GMDS: variants seen among roughly 807,000 people sequenced by gnomAD.
GMDS encodes the protein GDP-mannose 4,6-dehydratase, also known as GDP-mannose 4,6 dehydratase.
Under a neutral mutation model 49.9 loss-of-function variants are expected in GMDS, and 20 were observed. That is an observed-to-expected ratio of 0.40 (90% CI 0.28 to 0.58). GMDS has a LOEUF of 0.58. Among genes scored for constraint, GMDS ranks in the 20% least tolerant of loss-of-function variants. The pLI is 0.42. For missense variants in GMDS, 362 were observed against 481.4 expected (o/e 0.75, Z 2.32); for synonymous variants, 177 against 178.6 (o/e 0.99, Z 0.07).
chr6:2,101,313 A>T (rs555952283), intron 4 of GMDS, among the ~76,000 whole-genome samples: 1 of 151,962 alleles, frequency 6.6e-6, no homozygotes, highest in Non-Finnish European at 1.5e-5. Context: ...CACTAAAAAA[A>T]CAAAAAACAA....
At chr6:1,629,198 T>C (rs1460256502) in intron 9 of GMDS, among the ~76,000 whole-genome samples, 1 of 152,228 alleles carries the variant, frequency 6.6e-6, no homozygotes, top group African/African-American at 2.4e-5. Context: ...GCTTGAAGCC[T>C]TACATGCTCA....
intron 7 of GMDS, among the ~76,000 whole-genome samples, chr6:1,773,428 C>G (rs1317436301): frequency 6.6e-6 from 1 of 152,186 alleles, no homozygotes; most frequent in Non-Finnish European, 1.5e-5. Flanking sequence ...GCATGAAATA[C>G]ATGTTGGTGC....
chr6:2,046,225 T>A (rs1054082756), intron 4 of GMDS, among the ~76,000 whole-genome samples: 1 of 151,996 alleles, frequency 6.6e-6, no homozygotes, highest in Non-Finnish European at 1.5e-5. Flanking sequence ...AAAAGTAAAA[T>A]AAAATCATAG....
rs184388107 is a variant in GMDS, at chr6:1,928,290, G to A, written c.771+1813C>T. ...TGAGGCAGGAGAATCGCTTGAACCC[G>A]GGAGGCAGAGGTTGCAGTGAGCCAA... On this transcript the variant is annotated intron_variant, in intron 7 of 10. Transcript: ENST00000380815. Among the ~76,000 whole-genome samples the A allele has an allele frequency of 1.8e-4, 28 of 151,964 alleles. No homozygotes were observed. In the East Asian group the frequency reaches 3.9e-3, roughly 21 times the overall value.
chr6:2,092,232 C>T (rs79833197), intron 4 of GMDS, among the ~76,000 whole-genome samples: 290 of 152,286 alleles, frequency 1.9e-3, no homozygotes, highest in Non-Finnish European at 3.6e-3. Context: ...TTAATCCACA[C>T]TAAGTATCCA....
chr6:1,874,075 C>T (rs1340282604), intron 7 of GMDS, among the ~76,000 whole-genome samples: 1 of 152,204 alleles, frequency 6.6e-6, no homozygotes, highest in East Asian at 1.9e-4. Flanking sequence ...CCTCCAGAGA[C>T]GACCTGCTTG....
At chr6:2,171,932 C>T (rs1320353396) in intron 1 of GMDS, among the ~76,000 whole-genome samples, 6 of 152,060 alleles carry the variant, frequency 3.9e-5, no homozygotes, top group African/African-American at 4.8e-5. Flanking sequence ...GCTAAACTGA[C>T]GCAATAAATG....
chr6:1,767,596 G>C (rs2113570453), intron 7 of GMDS, among the ~76,000 whole-genome samples: 1 of 152,322 alleles, frequency 6.6e-6, no homozygotes, highest in South Asian at 2.1e-4. Flanking sequence ...GACTGAGAGA[G>C]ATGTTAAGCA....
chr6:1,646,741 C>T (rs574064368), intron 9 of GMDS, among the ~76,000 whole-genome samples: 2 of 152,014 alleles, frequency 1.3e-5, no homozygotes, highest in Non-Finnish European at 2.9e-5. Flanking sequence ...CATTTTTTTC[C>T]ACCTATATCC....
intron 6 of GMDS, among the ~76,000 whole-genome samples, chr6:1,953,726 G>C (rs978303671): frequency 6.6e-6 from 1 of 152,074 alleles, no homozygotes; most frequent in African/African-American, 2.4e-5. Flanking sequence ...TGCTTCCCAT[G>C]TTCCAATTTA....
intron 8 of GMDS, among the ~76,000 whole-genome samples, chr6:1,727,221 G>C (rs1053917899): frequency 2.0e-5 from 3 of 152,118 alleles, no homozygotes; most frequent in Admixed American, 6.5e-5. Context: ...AACATCCAAG[G>C]TTGACAGCAG....
intron 9 of GMDS, among the ~76,000 whole-genome samples, chr6:1,696,281 C>T (rs1213185209): frequency 6.6e-6 from 1 of 152,234 alleles, no homozygotes; most frequent in Non-Finnish European, 1.5e-5. Context: ...AGAACTTTTC[C>T]CGAAGAGCGC....
At chr6:1,831,047 CA>C (rs2113724972) in intron 7 of GMDS, among the ~76,000 whole-genome samples, 1 of 152,314 alleles carries the variant, frequency 6.6e-6, no homozygotes, top group Non-Finnish European at 1.5e-5. Flanking sequence ...GATACAGGTT[CA>C]ATATTCCCAA....
At chr6:2,223,759 G>A (rs1780701400) in intron 1 of GMDS, among the ~76,000 whole-genome samples, 1 of 152,188 alleles carries the variant, frequency 6.6e-6, no homozygotes. Context: ...GGGACATGTG[G>A]AGTAGGAGAT....
At chr6:2,069,881 T>C (rs377666935) in intron 4 of GMDS, among the ~76,000 whole-genome samples, 2 of 152,070 alleles carry the variant, frequency 1.3e-5, no homozygotes, top group Non-Finnish European at 2.9e-5. Flanking sequence ...GTATCTAGAA[T>C]TAGAAATACC....
intron 1 of GMDS, among the ~76,000 whole-genome samples, chr6:2,230,017 CT>C (rs777107018): frequency 1.8e-4 from 27 of 150,752 alleles, no homozygotes; most frequent in Non-Finnish European, 3.1e-4. Flanking sequence ...CTCTGAAGAC[CT>C]CCCTCCAGAG....
At chr6:1,801,951 C>T (rs935393798) in intron 7 of GMDS, among the ~76,000 whole-genome samples, 1 of 152,160 alleles carries the variant, frequency 6.6e-6, no homozygotes, top group Non-Finnish European at 1.5e-5. Context: ...CGAATAAAAA[C>T]GGCACTGGAC....
rs1033533 is a variant in GMDS at position 2,124,765 on chromosome 6, C to A, written c.103-34G>T. Reference sequence around the variant, plus strand: ...AAAGAAAAAATTGCAAAACGTCAGTCTCATAGTGGTATAGAAAGGTGGTCT... The same window carrying A: ...AAAGAAAAAATTGCAAAACGTCAGTATCATAGTGGTATAGAAAGGTGGTCT... On this transcript the variant is annotated intron_variant, in intron 1 of 10. Coordinates refer to ENST00000380815, the MANE Select transcript of GMDS (RefSeq NM_001500.4). 20 of 1,553,712 alleles carry A rather than the reference C, an allele frequency of 1.3e-5. No individual in the cohort carries two copies. In the Admixed American group the frequency reaches 3.4e-4, roughly 26 times the overall value.
chr6:2,139,972 G>T (rs1776205192), intron 1 of GMDS, among the ~76,000 whole-genome samples: 1 of 152,240 alleles, frequency 6.6e-6, no homozygotes, highest in Admixed American at 6.5e-5. Context: ...GAGTAGGTGT[G>T]CGAAGCGCGA....
Sources: gnomAD v4.1 joint callset for allele counts (sites outside exome capture counted in the v4.1 genomes callset) on GRCh38, gnomAD v4.1.1 for gene constraint, MANE v1.5 for transcripts, NCBI Gene and HGNC (gene_info 2026-07-23, HGNC 2026-07-21) for gene names.